Variants in ARHGEF12 observed in about 807,000 individuals in gnomAD.
The protein encoded by ARHGEF12 is Rho guanine nucleotide exchange factor 12.
In ARHGEF12, 66 loss-of-function variants were observed where a neutral mutation model predicts 211.2. The ratio of observed to expected loss-of-function variants is 0.31; its 90% CI spans 0.26 to 0.38. ARHGEF12 has a LOEUF of 0.38. ARHGEF12 is among the 10% of genes least tolerant of loss of function. The pLI, the probability that ARHGEF12 is intolerant of heterozygous loss-of-function variation, is 1.00. For synonymous variants in ARHGEF12, 592 were observed against 638.4 expected (o/e 0.93, Z 1.09); for missense variants, 1,429 against 1,869.5 (o/e 0.76, Z 4.34).
intron 4 of ARHGEF12, among the ~76,000 whole-genome samples, chr11:120,414,547 A>G (rs775500293): frequency 2.0e-5 from 3 of 152,214 alleles, no homozygotes; most frequent in Non-Finnish European, 2.9e-5. Flanking sequence ...AAGTGACTCT[A>G]CCTACTTTCT....
chr11:120,479,370 T>G (rs1490909005), intron 37 of ARHGEF12, among the ~76,000 whole-genome samples: 1 of 152,230 alleles, frequency 6.6e-6, no homozygotes, highest in African/African-American at 2.4e-5. Flanking sequence ...TTAACAGTCT[T>G]AATAATTTCT....
chr11:120,360,249 A>G (rs1943242722), intron 1 of ARHGEF12, among the ~76,000 whole-genome samples: 1 of 152,204 alleles, frequency 6.6e-6, no homozygotes, highest in African/African-American at 2.4e-5. Context: ...GTAGTCTTGA[A>G]TACATGCATG....
intron 35 of ARHGEF12, 29 bp from the exon 36 acceptor site, chr11:120,477,418 A>ATTT: frequency 7.9e-7 from 1 of 1,270,528 alleles, no homozygotes; most frequent in Non-Finnish European, 1.1e-6. Flanking sequence ...GGAAGGTAAA[A>ATTT]GTTTTTTTTT....
chr11:120,485,233 G>T lies in ARHGEF12; in HGVS notation c.*156G>T. ...GTCAAGTCCCAAGGTGCCCAGAGTG[G>T]GACTAGTTCTTCACAGTGTGGCAGC... is the stretch of plus-strand genomic sequence containing the variant. On this transcript the variant is annotated 3_prime_UTR_variant, in exon 41 of 41. Transcript: ENST00000397843. 1 of 799,002 alleles carries T rather than the reference G, an allele frequency of 1.3e-6. No homozygotes were observed. The highest frequency in any genetic ancestry group is 2.0e-6 in the Non-Finnish European group (1 of 489,738). The allele number at this position is 799,002 out of a possible 1,614,324, so 49.5% of individuals were successfully genotyped here.
chr11:120,355,384 G>A lies in ARHGEF12; in HGVS notation c.32+18109G>A, dbSNP rs142256628. Among the ~76,000 whole-genome samples, 24 of 152,192 alleles carry A rather than the reference G, an allele frequency of 1.6e-4. No individual in the cohort carries two copies. The East Asian group carries it at 4.6e-3, about 29-fold the overall frequency. On this transcript the variant is annotated intron_variant, in intron 1 of 40. Transcript: ENST00000397843. ...TAACCATGAACACCAGCTTCTACAT[G>A]TAAAGCCTCATTCTAGGTACTTTAT...
chr11:120,347,132 T>TTCCTTCCTTCC (rs1942758800), intron 1 of ARHGEF12, among the ~76,000 whole-genome samples: 2 of 115,604 alleles, frequency 1.7e-5, no homozygotes, highest in Admixed American at 8.7e-5. Context: ...TCTTTCTTTC[T>TTCCTTCCTTCC]TTCCTTCCTT....
At chr11:120,366,759 A>T (rs542891434) in intron 1 of ARHGEF12, among the ~76,000 whole-genome samples, 2 of 152,374 alleles carry the variant, frequency 1.3e-5, no homozygotes, top group South Asian at 4.1e-4. Context: ...TCACGCCTGT[A>T]ATCTCAGCAC....
intron 40 of ARHGEF12, 39 bp downstream of exon 40, chr11:120,484,546 A>AT (rs1565521310): frequency 1.3e-6 from 2 of 1,488,830 alleles, no homozygotes; most frequent in South Asian, 1.2e-5. Context: ...TAGACTAATC[A>AT]TCCTACACTG....
chr11:120,346,675 G>A (rs948791963), intron 1 of ARHGEF12, among the ~76,000 whole-genome samples: 1 of 152,174 alleles, frequency 6.6e-6, no homozygotes, highest in African/African-American at 2.4e-5. Context: ...CTTGTTAAAT[G>A]GGTTATTTGG....
In ARHGEF12 at chr11:120,368,711, G is replaced by T. The variant is rs1002465234; in HGVS notation, c.32+31436G>T. On this transcript the variant is annotated intron_variant, in intron 1 of 40. Transcript: ENST00000397843. ...TCTATGTATGTTTCCCTTTTAGAAAGATTTTATTTTTTTAATTTTAATTTT... is the reference window on the plus strand; with the variant it reads ...TCTATGTATGTTTCCCTTTTAGAAATATTTTATTTTTTTAATTTTAATTTT... Among the ~76,000 whole-genome samples the T allele has an allele frequency of 9.9e-5, 15 of 152,054 alleles. No homozygotes were observed. In the South Asian group the frequency reaches 2.1e-3, roughly 21 times the overall value.
intron 15 of ARHGEF12, among the ~76,000 whole-genome samples, chr11:120,442,644 C>G (rs1945913044): frequency 6.6e-6 from 1 of 152,064 alleles, no homozygotes; most frequent in Non-Finnish European, 1.5e-5. Context: ...AAAGATTTCA[C>G]TTACACTGAA....
chr11:120,435,893 A>G (rs1291325027), intron 11 of ARHGEF12, among the ~76,000 whole-genome samples: 3 of 152,172 alleles, frequency 2.0e-5, no homozygotes, highest in South Asian at 2.1e-4. Flanking sequence ...CAGAGTTTCA[A>G]AAGGATATTA....
intron 4 of ARHGEF12, among the ~76,000 whole-genome samples, chr11:120,413,798 G>A (rs930562786): frequency 6.6e-6 from 1 of 152,190 alleles, no homozygotes; most frequent in Non-Finnish European, 1.5e-5. Flanking sequence ...CTTAAGAGCT[G>A]AAACCTAGAG....
chr11:120,417,440 ATATT>A (rs778389961), intron 4 of ARHGEF12, among the ~76,000 whole-genome samples: 8 of 152,066 alleles, frequency 5.3e-5, no homozygotes, highest in Non-Finnish European at 1.0e-4. Flanking sequence ...AGGTTGTGAA[ATATT>A]TGTTTCCAAA....
At chr11:120,360,977 A>G (rs372110528) in intron 1 of ARHGEF12, among the ~76,000 whole-genome samples, 1 of 152,322 alleles carries the variant, frequency 6.6e-6, no homozygotes, top group East Asian at 1.9e-4. Flanking sequence ...ATGAGATTTT[A>G]AGGTCATTAA....
At position 120,442,202 on chromosome 11, in the gene ARHGEF12, A is replaced by T. The variant is rs1323365180; in HGVS notation, c.1302A>T (p.Ala434=). The change falls in exon 15 of 41, where the codon GCA becomes GCT. Residue 434 remains alanine, a splice_region_variant and synonymous_variant. Coordinates refer to ENST00000397843, the MANE Select transcript of ARHGEF12 (RefSeq NM_015313.3). ...EFHQFFLDRS[A]HLKVSVPDEM... ...ATCAGTTCTTTCTAGATCGATCAGC[A>T]GTAAGTTGCCAAGTTAATGTTGTAA... is the stretch of plus-strand genomic sequence containing the variant. 6.2e-7 allele frequency: 1 copy of T among 1,600,380 alleles called. No individual in the cohort carries two copies.
intron 4 of ARHGEF12, chr11:120,411,443 G>A (rs555432959): frequency 1.3e-5 from 2 of 151,996 alleles, no homozygotes; most frequent in South Asian, 4.2e-4. Context: ...GTGACATTCT[G>A]CTTTAGTGTA....
chr11:120,346,729 A>C (rs756488816), intron 1 of ARHGEF12, among the ~76,000 whole-genome samples: 2 of 152,202 alleles, frequency 1.3e-5, no homozygotes, highest in Non-Finnish European at 2.9e-5. Flanking sequence ...ATTCAAACAT[A>C]AACAGAAGTA....
chr11:120,386,807 A>T (rs538736481), intron 1 of ARHGEF12, among the ~76,000 whole-genome samples: 1 of 152,254 alleles, frequency 6.6e-6, no homozygotes, highest in East Asian at 1.9e-4. Context: ...CAAGCAAACA[A>T]AAATTGTCAT....
Sources: allele counts gnomAD v4.1 joint callset (sites outside exome capture counted in the v4.1 genomes callset), GRCh38; gene constraint gnomAD v4.1.1; transcripts MANE v1.5; gene names NCBI Gene and HGNC (gene_info 2026-07-23, HGNC 2026-07-21).